The following PIP4P2 variants were observed in gnomAD, a reference collection of about 807,000 sequenced individuals.
The protein encoded by PIP4P2 is type 2 phosphatidylinositol 4,5-bisphosphate 4-phosphatase.
In PIP4P2, 19 loss-of-function variants were observed where a neutral mutation model predicts 33.3. That is an observed-to-expected ratio of 0.57 (90% CI 0.40 to 0.84). The LOEUF (loss-of-function observed/expected upper bound fraction) is 0.84. PIP4P2 is among the 40% of genes least tolerant of loss of function. PIP4P2 has a pLI of 0.00. For missense variants in PIP4P2, 270 were observed against 324.7 expected (o/e 0.83, Z 1.29); for synonymous variants, 110 against 111.9 (o/e 0.98, Z 0.11).
Position 90,995,292 on chromosome 8 carries a change from G to A in PIP4P2, c.*385C>T, listed in dbSNP as rs1811613194. ...AATTTTGATACTGTTTAATTAAAAT[G>A]TAAATATAAATGTGAAACTATTATA... is the stretch of plus-strand genomic sequence containing the variant. On this transcript the variant is annotated 3_prime_UTR_variant, in exon 7 of 7. Transcript: ENST00000285419. 1 of 152,666 alleles carries A rather than the reference G, an allele frequency of 6.6e-6. No homozygotes were observed. Among genetic ancestry groups the A allele is most frequent in the African/African-American group, 2.4e-5 (1 of 41,310 alleles). The allele number at this position is 152,666 out of a possible 1,614,324, so 9.5% of individuals were successfully genotyped here.
chr8:91,035,612 T>C (rs1812222886), intron 1 of PIP4P2, among the ~76,000 whole-genome samples: 1 of 152,220 alleles, frequency 6.6e-6, no homozygotes, highest in Admixed American at 6.5e-5. Flanking sequence ...CAAAGCTTTG[T>C]CCAGGCTTTC....
chr8:91,009,050 T>C (rs1026828313), intron 4 of PIP4P2, among the ~76,000 whole-genome samples: 4 of 152,120 alleles, frequency 2.6e-5, no homozygotes, highest in Non-Finnish European at 5.9e-5. Context: ...GAATACTGAA[T>C]GTAATACCAT....
Position 91,021,544 on chromosome 8 carries a change from A to G in PIP4P2, c.107-140T>C. 3.1e-6 allele frequency: 3 copies of G among 970,746 alleles called. No homozygotes were observed. In the South Asian group the frequency reaches 5.7e-5, roughly 19 times the overall value. The allele number at this position is 970,746 out of a possible 1,614,324, so 60.1% of individuals were successfully genotyped here. On this transcript the variant is annotated intron_variant, in intron 1 of 6. Coordinates refer to ENST00000285419, the MANE Select transcript of PIP4P2 (RefSeq NM_018710.3). ...TTTATTTTTCAAAGCTAGCCAATTT[A>G]TCTTACTTTTAGAGCACAAACATCC...
intron 5 of PIP4P2, among the ~76,000 whole-genome samples, chr8:91,002,182 C>G (rs866893428): frequency 6.6e-6 from 1 of 152,086 alleles, no homozygotes; most frequent in Non-Finnish European, 1.5e-5. Flanking sequence ...TGGCATATAC[C>G]TTCAGGATAG....
At chr8:90,997,942 T>C (rs529157841) in intron 5 of PIP4P2, among the ~76,000 whole-genome samples, 1 of 152,224 alleles carries the variant, frequency 6.6e-6, no homozygotes, top group African/African-American at 2.4e-5. Flanking sequence ...CATCGTAAAT[T>C]TTCCTGGGTA....
intron 4 of PIP4P2, 103 bp from the exon 5 acceptor site, chr8:91,008,898 G>T (rs112142700): frequency 1.1e-6 from 1 of 936,782 alleles, no homozygotes; most frequent in Non-Finnish European, 1.6e-6. Flanking sequence ...GATCACAACA[G>T]AAGCAATCAC....
chr8:91,008,874 T>C (rs1042556827), intron 4 of PIP4P2, 79 bp from the exon 5 acceptor site: 2 of 1,275,936 alleles, frequency 1.6e-6, no homozygotes, highest in Admixed American at 3.7e-5. Context: ...TCTTTTACTT[T>C]AAATGTCATC....
chr8:91,026,249 A>G (rs1812082404), intron 1 of PIP4P2, among the ~76,000 whole-genome samples: 1 of 152,054 alleles, frequency 6.6e-6, no homozygotes, highest in Non-Finnish European at 1.5e-5. Flanking sequence ...GTTTCTCTGA[A>G]CATCACCCTA....
intron 1 of PIP4P2, among the ~76,000 whole-genome samples, chr8:91,038,940 C>T (rs1217152821): frequency 6.6e-6 from 1 of 152,048 alleles, no homozygotes. Flanking sequence ...AGTGGCTGAA[C>T]TGGAACTTAT....
intron 4 of PIP4P2, among the ~76,000 whole-genome samples, chr8:91,016,289 G>GA (rs146961157): frequency 0.035 from 5,240 of 151,856 alleles, 296 homozygotes; most frequent in African/African-American, 0.12. Flanking sequence ...TAAATAATAT[G>GA]AAAAAACAAA....
chr8:91,040,078 T>G (rs1326551313), intron 1 of PIP4P2, among the ~76,000 whole-genome samples: 1 of 152,116 alleles, frequency 6.6e-6, no homozygotes. Flanking sequence ...GGGCAGGAAT[T>G]TCAGACATAT....
At position 91,011,493 on chromosome 8, in the gene PIP4P2, G is replaced by C. The variant is rs1438793615; in HGVS notation, c.487-2698C>G. On this transcript the variant is annotated intron_variant, in intron 4 of 6. Coordinates refer to ENST00000285419, the MANE Select transcript of PIP4P2 (RefSeq NM_018710.3). The stretch of plus-strand genomic sequence containing the variant: ...ACTCAGGCTAGATGATCTCAAAATG[G>C]TTTGGAGGGTAAAAAATGTTTGGAC... Among the ~76,000 whole-genome samples the C allele has an allele frequency of 7.9e-5, 12 of 152,092 alleles. No homozygotes were observed. The East Asian group carries it at 2.3e-3, about 29-fold the overall frequency.
chr8:90,996,660 C>A lies in PIP4P2; in HGVS notation c.624G>T (p.Gly208=). ...ATCAAAGTGTAACACTCACAGTTAA[C>A]CCAACTCCAATGAAAATACATATCA... The part of the protein sequence containing the change: ...IGMICIFIGV[G]LTVGTPDFAR... Residue 208 remains glycine (G), a synonymous_variant, in exon 6 of 7, where the codon GGG becomes GGT. Transcript: ENST00000285419. 1 of 1,607,330 alleles carries A rather than the reference C, an allele frequency of 6.2e-7. No homozygotes were observed. Among genetic ancestry groups the A allele is most frequent in the Non-Finnish European group, 8.5e-7 (1 of 1,176,496 alleles).
At chr8:91,006,758 C>T (rs1811769950) in intron 5 of PIP4P2, among the ~76,000 whole-genome samples, 1 of 152,152 alleles carries the variant, frequency 6.6e-6, no homozygotes, top group African/African-American at 2.4e-5. Context: ...CACCCGAGGT[C>T]AGGAGTTCGA....
At chr8:91,016,995 A>G (rs1811923717) in intron 4 of PIP4P2, among the ~76,000 whole-genome samples, 1 of 152,244 alleles carries the variant, frequency 6.6e-6, no homozygotes, top group South Asian at 2.1e-4. Context: ...GCTGTGAACA[A>G]AATTTACCTA....
At chr8:91,018,325 A>C (rs1415465694) in intron 4 of PIP4P2, 65 bp downstream of exon 4, 8 of 1,604,694 alleles carry the variant, frequency 5.0e-6, no homozygotes, top group African/African-American at 1.3e-5. Context: ...GACTATGAGC[A>C]GTGCTCTAAT....
At chr8:91,026,641 G>A (rs995592063) in intron 1 of PIP4P2, among the ~76,000 whole-genome samples, 7 of 152,018 alleles carry the variant, frequency 4.6e-5, no homozygotes, top group African/African-American at 1.5e-4. Context: ...CTTGGTTAAT[G>A]ATTCTTTATA....
At chr8:90,998,125 GC>G (rs1384692447) in intron 5 of PIP4P2, among the ~76,000 whole-genome samples, 6 of 152,036 alleles carry the variant, frequency 3.9e-5, no homozygotes, top group Admixed American at 1.3e-4. Flanking sequence ...GGTTTTTCTT[GC>G]CTTATACATC....
intron 1 of PIP4P2, among the ~76,000 whole-genome samples, chr8:91,037,014 A>G (rs190956476): frequency 6.6e-6 from 1 of 152,210 alleles, no homozygotes. Flanking sequence ...TTACATGACA[A>G]GTTACTTTCC....
Sources: gnomAD v4.1 joint callset for allele counts (sites outside exome capture counted in the v4.1 genomes callset) on GRCh38, gnomAD v4.1.1 for gene constraint, MANE v1.5 for transcripts, NCBI Gene and HGNC (gene_info 2026-07-23, HGNC 2026-07-21) for gene names.